DZANK1: variants seen among roughly 807,000 people sequenced by gnomAD.
DZANK1 encodes the protein double zinc ribbon and ankyrin repeat domains 1.
In DZANK1, 91 loss-of-function variants were observed where a neutral mutation model predicts 94.5. That is an observed-to-expected ratio of 0.96 (90% CI 0.81 to 1.15). The LOEUF is 1.15. Among genes scored for constraint, DZANK1 ranks in the 50% most tolerant of loss-of-function variants. The probability of loss-of-function intolerance (pLI) is 0.00; values close to 1 mark genes in which losing one functional copy is unlikely to be tolerated. For missense variants in DZANK1, 903 were observed against 916.4 expected (o/e 0.99, Z 0.19); for synonymous variants, 312 against 325.3 (o/e 0.96, Z 0.44).
At chr20:18,453,671 C>G (rs1052699073) in intron 5 of DZANK1, 60 bp downstream of exon 5, 40 of 1,191,368 alleles carry the variant, frequency 3.4e-5, no homozygotes, top group Non-Finnish European at 5.0e-5. Flanking sequence ...ACGAACATGC[C>G]ATGAACCTCT....
chr20:18,392,507 C>T (rs2056068878), intron 17 of DZANK1, among the ~76,000 whole-genome samples: 1 of 152,162 alleles, frequency 6.6e-6, no homozygotes, highest in Admixed American at 6.5e-5. Context: ...ATGCAAGTGT[C>T]CAGCTCGGAC....
In DZANK1 at chr20:18,412,632, A is replaced by T; in HGVS notation, c.1432+14T>A. The T allele has an allele frequency of 6.2e-7, 1 of 1,610,948 alleles. No individual in the cohort carries two copies. The highest frequency in any genetic ancestry group is 8.5e-7 in the Non-Finnish European group (1 of 1,178,512). On this transcript the variant is annotated intron_variant, in intron 13 of 20. Transcript: ENST00000262547. ...TTCCCTCCCGACCAGAAGAAAGGGC[A>T]TCCTCCCCCTTACCTCTTCCTGGGC...
chr20:18,429,145 C>T (rs2058181637), intron 9 of DZANK1, among the ~76,000 whole-genome samples: 1 of 152,168 alleles, frequency 6.6e-6, no homozygotes, highest in South Asian at 2.1e-4. Flanking sequence ...TGGTGAAACC[C>T]ATTGAGAAAT....
intron 5 of DZANK1, 21 bp from the exon 6 acceptor site, chr20:18,452,760 T>C (rs2059149370): frequency 1.9e-6 from 3 of 1,539,624 alleles, no homozygotes; most frequent in Non-Finnish European, 2.6e-6. Flanking sequence ...ATTAAAAACA[T>C]TATTCTTTGA....
intron 6 of DZANK1, among the ~76,000 whole-genome samples, chr20:18,452,394 T>G (rs2059134545): frequency 6.6e-6 from 1 of 152,186 alleles, no homozygotes; most frequent in Non-Finnish European, 1.5e-5. Context: ...ATTTTAAATT[T>G]TCTGTTTATT....
intron 7 of DZANK1, among the ~76,000 whole-genome samples, chr20:18,445,638 T>C (rs2058849814): frequency 6.6e-6 from 1 of 152,180 alleles, no homozygotes; most frequent in Non-Finnish European, 1.5e-5. Flanking sequence ...TACTGGCTCA[T>C]ACCTATAATC....
At chr20:18,427,463 T>C (rs967346672) in intron 9 of DZANK1, among the ~76,000 whole-genome samples, 8 of 152,124 alleles carry the variant, frequency 5.3e-5, no homozygotes, top group Non-Finnish European at 8.8e-5. Context: ...GCTGGAATTA[T>C]AGGTGTGAGC....
exon 13 of DZANK1, chr20:18,412,722 T>G (rs749927645): frequency 1.5e-5 from 25 of 1,613,630 alleles, no homozygotes; most frequent in Non-Finnish European, 2.0e-5. Flanking sequence ...GAGAGGCTAG[T>G]TCCTGTTCCT....
chr20:18,433,739 G>T (rs772258364), exon 9 of DZANK1: 2 of 1,614,012 alleles, frequency 1.2e-6, no homozygotes, highest in African/African-American at 2.7e-5. Context: ...TGGGTACCAA[G>T]CTTCTGCATT....
At chr20:18,397,558 A>C (rs2056413505) in intron 14 of DZANK1, among the ~76,000 whole-genome samples, 1 of 152,180 alleles carries the variant, frequency 6.6e-6, no homozygotes, top group Non-Finnish European at 1.5e-5. Flanking sequence ...GCTTCTTCTG[A>C]CTATCAACTG....
At chr20:18,434,536 A>T (rs1015707905) in intron 8 of DZANK1, among the ~76,000 whole-genome samples, 1 of 128,006 alleles carries the variant, frequency 7.8e-6, no homozygotes, top group Admixed American at 9.4e-5. Flanking sequence ...CAAGAGCGAG[A>T]CTCCTGCTCA....
exon 14 of DZANK1, chr20:18,398,583 C>T (rs374370227): frequency 2.5e-6 from 4 of 1,613,880 alleles, no homozygotes; most frequent in African/African-American, 2.7e-5. Flanking sequence ...GAGCATAACA[C>T]CTGAGGTGAG....
chr20:18,466,785 A>C (rs1355076508), intron 1 of DZANK1: 3 of 152,254 alleles, frequency 2.0e-5, no homozygotes, highest in Non-Finnish European at 4.4e-5. Flanking sequence ...AACTCTCCCA[A>C]CGTGGACCGC....
At chr20:18,391,492 C>T (rs770421609) in intron 17 of DZANK1, among the ~76,000 whole-genome samples, 1 of 152,156 alleles carries the variant, frequency 6.6e-6, no homozygotes, top group Non-Finnish European at 1.5e-5. Flanking sequence ...CTCAGCCTCC[C>T]TAAGTGCTGG....
At chr20:18,394,662 C>T (rs747552490) in intron 15 of DZANK1, 1 of 570,882 alleles carries the variant, frequency 1.8e-6, no homozygotes, top group East Asian at 4.3e-5. Context: ...CTGCATGTGG[C>T]TGTCCCAGTC....
chr20:18,403,575 A>G (rs1044892803), intron 13 of DZANK1, among the ~76,000 whole-genome samples: 1 of 152,140 alleles, frequency 6.6e-6, no homozygotes, highest in Non-Finnish European at 1.5e-5. Context: ...AGACTAGAAG[A>G]TTCATTAGAG....
intron 13 of DZANK1, among the ~76,000 whole-genome samples, chr20:18,403,182 GCT>G (rs1225874397): frequency 2.0e-5 from 3 of 152,334 alleles, no homozygotes; most frequent in East Asian, 3.9e-4. Context: ...CCCTTTCTCT[GCT>G]CAGTTACCAC....
intron 13 of DZANK1, among the ~76,000 whole-genome samples, chr20:18,410,471 T>A (rs760203653): frequency 4.6e-5 from 7 of 152,032 alleles, no homozygotes; most frequent in African/African-American, 1.7e-4. Flanking sequence ...CTGGAAAATA[T>A]GCAATGCAAA....
At chr20:18,391,941 T>G (rs2056018747) in intron 17 of DZANK1, among the ~76,000 whole-genome samples, 1 of 152,246 alleles carries the variant, frequency 6.6e-6, no homozygotes, top group African/African-American at 2.4e-5. Context: ...TTTCCATTCC[T>G]CATGGAAATG....
Sources: gnomAD v4.1 joint callset for allele counts (sites outside exome capture counted in the v4.1 genomes callset) on GRCh38, gnomAD v4.1.1 for gene constraint, MANE v1.5 for transcripts, NCBI Gene and HGNC (gene_info 2026-07-23, HGNC 2026-07-21) for gene names.